The following SUCLA2 variants were observed in gnomAD, a reference collection of about 807,000 sequenced individuals.
The protein encoded by SUCLA2 is succinate-CoA ligase ADP-forming subunit beta.
A neutral mutation model predicts 54.8 loss-of-function variants in SUCLA2; 30 were observed. The observed-to-expected ratio is 0.55, with a 90% confidence interval of 0.41 to 0.74. SUCLA2 has a LOEUF of 0.74. Ranked by LOEUF, SUCLA2 falls within the 30% of genes least tolerant of loss-of-function variation. The pLI is 0.00. For synonymous variants in SUCLA2, 172 were observed against 188.9 expected, an observed-to-expected ratio of 0.91 and a Z score of 0.74; for missense variants, 476 against 562.9, an observed-to-expected ratio of 0.85 and a Z score of 1.56.
chr13:47,954,031 A>G, intron 8 of SUCLA2, 109 bp downstream of exon 8: 4 of 1,021,192 alleles, frequency 3.9e-6, no homozygotes, highest in Non-Finnish European at 3.9e-6. Flanking sequence ...ATATATATTA[A>G]AAGACATATA....
At chr13:47,982,726 C>CCA (rs746620421) in intron 4 of SUCLA2, among the ~76,000 whole-genome samples, 9 of 145,684 alleles carry the variant, frequency 6.2e-5, no homozygotes, top group Non-Finnish European at 9.1e-5. Flanking sequence ...AAAAAAAAAT[C>CCA]TCTGAACACC....
rs570547911 is a variant in SUCLA2 at position 48,001,270 on chromosome 13, TTC to T, written c.-3_-2del. ...TGCCGTAGAACATGGAGGCCGCCAT[TTC>T]TGAGTCGGACCCCGTCCCCTCGGCG... On this transcript the variant is annotated 5_prime_UTR_variant, in exon 1 of 11. Coordinates refer to ENST00000646932, the MANE Select transcript of SUCLA2 (RefSeq NM_003850.3). 286 of 1,596,620 alleles carry T rather than the reference TTC, an allele frequency of 1.8e-4. No homozygotes were observed. In the African/African-American group the frequency reaches 3.0e-3, roughly 17 times the overall value.
intron 10 of SUCLA2, 133 bp from the exon 11 acceptor site, chr13:47,943,578 C>T (rs1004812697): frequency 5.2e-6 from 4 of 765,762 alleles, no homozygotes; most frequent in East Asian, 2.7e-5. Context: ...AATCACATTA[C>T]GTTCTTATAA....
intron 6 of SUCLA2, among the ~76,000 whole-genome samples, chr13:47,961,419 T>C (rs1226353842): frequency 6.6e-6 from 1 of 152,176 alleles, no homozygotes; most frequent in Non-Finnish European, 1.5e-5. Flanking sequence ...TACAGTGACT[T>C]TGTGATTCTA....
At chr13:47,943,782 T>TA (rs1949707722) in intron 10 of SUCLA2, among the ~76,000 whole-genome samples, 2 of 118,818 alleles carry the variant, frequency 1.7e-5, no homozygotes, top group East Asian at 6.0e-4. Context: ...ATATATATAT[T>TA]ATTCTAAATT....
intron 6 of SUCLA2, among the ~76,000 whole-genome samples, chr13:47,955,443 C>T (rs1326761572): frequency 6.6e-6 from 1 of 152,086 alleles, no homozygotes; most frequent in Non-Finnish European, 1.5e-5. Context: ...CTCAAGTAAT[C>T]CACCCGCCTC....
chr13:47,968,704 A>AT lies in SUCLA2; in HGVS notation c.692dup (p.Asn231LysfsTer48). The AT allele has an allele frequency of 1.2e-6, 2 of 1,612,340 alleles. No individual in the cohort carries two copies. The highest frequency in any genetic ancestry group is 1.7e-6 in the Non-Finnish European group (2 of 1,179,900). ...TGTTTTCTGCTGCTGATTCCACAAT[A>AT]TTAGGTGGAAATCCCATCTTCTGTG... On this transcript the variant is annotated frameshift_variant, in exon 6 of 11. Coordinates refer to ENST00000646932, the MANE Select transcript of SUCLA2 (RefSeq NM_003850.3). LOFTEE classifies it high-confidence loss of function.
chr13:47,951,261 T>C (rs1949772950), intron 8 of SUCLA2, among the ~76,000 whole-genome samples: 1 of 152,096 alleles, frequency 6.6e-6, no homozygotes, highest in African/African-American at 2.4e-5. Context: ...GCCTTTCTCC[T>C]CTAGCTCTAT....
At chr13:47,999,849 G>T (rs1300762901) in intron 1 of SUCLA2, among the ~76,000 whole-genome samples, 6 of 152,114 alleles carry the variant, frequency 3.9e-5, no homozygotes, top group African/African-American at 1.4e-4. Flanking sequence ...CTCTAGAGCT[G>T]CATTTCTTAA....
At chr13:47,968,529 C>T in intron 6 of SUCLA2, 66 bp downstream of exon 6, 2 of 1,583,112 alleles carry the variant, frequency 1.3e-6, no homozygotes, top group African/African-American at 1.3e-5. Context: ...TATGATTTAA[C>T]TTCCTTAGGG....
intron 5 of SUCLA2, among the ~76,000 whole-genome samples, chr13:47,970,298 T>C (rs1949952246): frequency 6.6e-6 from 1 of 152,272 alleles, no homozygotes; most frequent in Admixed American, 6.5e-5. Context: ...GATCAATCCA[T>C]TATGACATCA....
chr13:47,960,608 A>T (rs1024957979), intron 6 of SUCLA2, among the ~76,000 whole-genome samples: 1 of 152,150 alleles, frequency 6.6e-6, no homozygotes, highest in African/African-American at 2.4e-5. Context: ...GGGCCCTGTC[A>T]TTAAGGAAAT....
Position 47,968,673 on chromosome 13 carries a change from T to C in SUCLA2, c.724A>G (p.Lys242Glu). 6.2e-7 allele frequency: 1 copy of C among 1,612,086 alleles called. No homozygotes were observed. Among genetic ancestry groups the C allele is most frequent in the Non-Finnish European group, 8.5e-7 (1 of 1,179,870 alleles). ...IVESAAENMV[K>E]LYSLFLKYDA... The stretch of plus-strand genomic sequence containing the variant: ...TATTTCAGAAAAAGGCTGTAAAGCT[T>C]GACCATGTTTTCTGCTGCTGATTCC... The change falls in exon 6 of 11, where the codon AAG (lysine) becomes GAG (glutamate). Residue 242 changes from lysine to glutamate, a missense_variant. Around this residue, in one of 2 missense-constraint regions of SUCLA2, gnomAD observed 342 missense variants for 444.2 expected, o/e 0.77. Coordinates refer to ENST00000646932, the MANE Select transcript of SUCLA2 (RefSeq NM_003850.3).
At chr13:47,950,733 T>TA (rs1949769582) in intron 8 of SUCLA2, among the ~76,000 whole-genome samples, 1 of 152,164 alleles carries the variant, frequency 6.6e-6, no homozygotes, top group African/African-American at 2.4e-5. Flanking sequence ...GCATTGTAGA[T>TA]ACACCAAAAT....
chr13:47,965,507 ACAAACAAAC>A (rs1305325146), intron 6 of SUCLA2: 29 of 365,438 alleles, frequency 7.9e-5, no homozygotes, highest in Middle Eastern at 6.8e-4. Context: ...AAAAAAAAAA[ACAAACAAAC>A]AAAAAAAAAA....
At chr13:47,957,475 GGT>G (rs1491121603) in intron 6 of SUCLA2, among the ~76,000 whole-genome samples, 1 of 152,140 alleles carries the variant, frequency 6.6e-6, no homozygotes, top group Non-Finnish European at 1.5e-5. Context: ...TTTGGCTGAA[GGT>G]GAGTGTCAGT....
At chr13:47,946,932 A>G (rs1326231083) in intron 10 of SUCLA2, among the ~76,000 whole-genome samples, 1 of 152,194 alleles carries the variant, frequency 6.6e-6, no homozygotes, top group Non-Finnish European at 1.5e-5. Flanking sequence ...TAAAAAATAC[A>G]TGTTTTCTCA....
chr13:47,972,863 T>A (rs1377640022), intron 5 of SUCLA2, among the ~76,000 whole-genome samples: 3 of 147,996 alleles, frequency 2.0e-5, no homozygotes, highest in Admixed American at 1.4e-4. Context: ...TTCTTCTGCC[T>A]CAGCCTCCCG....
intron 5 of SUCLA2, among the ~76,000 whole-genome samples, chr13:47,970,677 T>C (rs1351219260): frequency 6.6e-6 from 1 of 151,896 alleles, no homozygotes; most frequent in African/African-American, 2.4e-5. Context: ...CTGGCCAACA[T>C]GGTGAAACCC....
Sources: gnomAD v4.1 joint callset for allele counts (sites outside exome capture counted in the v4.1 genomes callset) on GRCh38, gnomAD v4.1.1 for gene constraint, gnomAD v4.1.1 regional missense constraint, MANE v1.5 for transcripts, NCBI Gene and HGNC (gene_info 2026-07-23, HGNC 2026-07-21) for gene names.